Variants in SYT1 observed in about 807,000 individuals in gnomAD.
SYT1 encodes the protein synaptotagmin 1, also known as synaptotagmin-1.
SYT1 carries 8 observed loss-of-function variants against 44.8 expected under a neutral mutation model. The observed-to-expected ratio is 0.18, with a 90% CI of 0.10 to 0.32. The LOEUF is 0.32. SYT1 is among the 10% of genes least tolerant of loss of function. The pLI is 1.00. For synonymous variants in SYT1, 154 were observed against 188.8 expected (o/e 0.82, Z 1.51); for missense variants, 286 against 509.3 (o/e 0.56, Z 4.22).
chr12:79,394,138 A>G (rs184580053), intron 9 of SYT1, among the ~76,000 whole-genome samples: 1 of 152,366 alleles, frequency 6.6e-6, no homozygotes, highest in East Asian at 1.9e-4. Context: ...ATGCTTTGGC[A>G]TCTGGTCACA....
chr12:79,061,977 ATTT>A (rs1364763392), intron 3 of SYT1, among the ~76,000 whole-genome samples: 3 of 152,162 alleles, frequency 2.0e-5, no homozygotes, highest in Non-Finnish European at 2.9e-5. Flanking sequence ...GAAAAAGATA[ATTT>A]TTTTAAAAAA....
chr12:79,338,596 T>G (rs185718164), intron 8 of SYT1, among the ~76,000 whole-genome samples: 1 of 151,466 alleles, frequency 6.6e-6, no homozygotes, highest in Admixed American at 6.6e-5. Flanking sequence ...CTTTTTTTTT[T>G]CTTCAATCCC....
chr12:79,001,214 G>T (rs1870717434), intron 2 of SYT1, among the ~76,000 whole-genome samples: 1 of 151,216 alleles, frequency 6.6e-6, no homozygotes, highest in Non-Finnish European at 1.5e-5. Context: ...GGACTAAAAT[G>T]ATGATATTTT....
Position 78,921,377 on chromosome 12 carries a change from G to C in SYT1, c.-217+56268G>C, listed in dbSNP as rs1876990084. ...GTTGTAACAACTATATATACACTTA[G>C]AGTCTCTGGCAGAAAGCAGTCAGTA... On this transcript the variant is annotated intron_variant, in intron 1 of 10. Coordinates refer to ENST00000261205, the MANE Select transcript of SYT1 (RefSeq NM_005639.3). Among the ~76,000 whole-genome samples the C allele has an allele frequency of 2.0e-5, 3 of 152,036 alleles. 1 individual carries two copies. Among genetic ancestry groups the C allele is most frequent in the Middle Eastern group, 6.8e-3 (2 of 294 alleles).
chr12:79,424,829 G>GT (rs1194639483), intron 9 of SYT1, among the ~76,000 whole-genome samples: 2 of 147,014 alleles, frequency 1.4e-5, no homozygotes, highest in African/African-American at 5.0e-5. Flanking sequence ...CAGACCTAGT[G>GT]TTTTGTTTTT....
At chr12:79,119,643 A>AT (rs1879485795) in intron 3 of SYT1, among the ~76,000 whole-genome samples, 1 of 151,740 alleles carries the variant, frequency 6.6e-6, no homozygotes, top group Non-Finnish European at 1.5e-5. Context: ...AGGGTCTTAT[A>AT]TTTTGGAATT....
chr12:78,929,292 C>G (rs1214843067), intron 1 of SYT1, among the ~76,000 whole-genome samples: 1 of 150,940 alleles, frequency 6.6e-6, no homozygotes, highest in Non-Finnish European at 1.5e-5. Flanking sequence ...GTCCCAGCTA[C>G]TCATGAGGCT....
intron 3 of SYT1, among the ~76,000 whole-genome samples, chr12:79,069,103 T>C (rs1166297123): frequency 6.6e-6 from 1 of 152,134 alleles, no homozygotes; most frequent in African/African-American, 2.4e-5. Context: ...TTAATGATTA[T>C]AGTTTTATGG....
intron 3 of SYT1, among the ~76,000 whole-genome samples, chr12:79,108,547 C>A (rs948317295): frequency 6.6e-6 from 1 of 152,030 alleles, no homozygotes; most frequent in African/African-American, 2.4e-5. Context: ...GAGACCCTCC[C>A]ATGCCCCTTG....
intron 3 of SYT1, among the ~76,000 whole-genome samples, chr12:79,124,819 TAGTC>T (rs1592769884): frequency 6.6e-6 from 1 of 152,126 alleles, no homozygotes; most frequent in East Asian, 1.9e-4. Context: ...TTAATATTAT[TAGTC>T]AGATGTCCAG....
intron 8 of SYT1, among the ~76,000 whole-genome samples, chr12:79,330,273 C>T (rs1592972247): frequency 6.6e-6 from 1 of 152,296 alleles, no homozygotes; most frequent in East Asian, 1.9e-4. Context: ...AATTGCTTAA[C>T]AGATGATGCA....
chr12:79,214,941 ATGTGTGTGTGTGTGTG>A (rs71091652), intron 3 of SYT1, among the ~76,000 whole-genome samples: 5 of 148,450 alleles, frequency 3.4e-5, no homozygotes, highest in African/African-American at 9.9e-5. Flanking sequence ...ATGTGTGTAT[ATGTGTGTGTGTGTGTG>A]TGTGTGTGTG....
At chr12:79,391,779 T>C (rs1333704554) in intron 9 of SYT1, among the ~76,000 whole-genome samples, 1 of 152,222 alleles carries the variant, frequency 6.6e-6, no homozygotes, top group Non-Finnish European at 1.5e-5. Context: ...TTTATTTTTG[T>C]TCAGAATGAC....
rs537182655 is a variant in SYT1, at chr12:78,875,086, AG to A, written c.-217+9981del. Among the ~76,000 whole-genome samples, 573 of 151,792 alleles carry A rather than the reference AG, an allele frequency of 3.8e-3. 7 individuals carry two copies. The highest frequency in any genetic ancestry group is 0.013 in the African/African-American group (526 of 41,492). On this transcript the variant is annotated intron_variant, in intron 1 of 10. Transcript: ENST00000261205. Reference sequence around the variant, plus strand: ...ACTTTTATTAGTTTTGTAAGGAAGGAGGGGTTATTTCAAGGAGTTTATAAAG... The same window carrying A: ...ACTTTTATTAGTTTTGTAAGGAAGGAGGGTTATTTCAAGGAGTTTATAAAG...
intron 3 of SYT1, among the ~76,000 whole-genome samples, chr12:79,201,825 TA>T (rs1260790820): frequency 6.6e-6 from 1 of 152,138 alleles, no homozygotes; most frequent in Non-Finnish European, 1.5e-5. Context: ...CTTTTGATAA[TA>T]AAAGACATCC....
chr12:79,402,663 G>A (rs373895922), intron 9 of SYT1, among the ~76,000 whole-genome samples: 13 of 152,296 alleles, frequency 8.5e-5, no homozygotes, highest in African/African-American at 2.4e-4. Flanking sequence ...CTCAAGAGCC[G>A]TTTTGATGTA....
At chr12:79,072,798 G>A (rs1004886225) in intron 3 of SYT1, among the ~76,000 whole-genome samples, 29 of 152,102 alleles carry the variant, frequency 1.9e-4, no homozygotes, top group African/African-American at 4.8e-5. Flanking sequence ...TATATGTTGA[G>A]TTTCTGCTCT....
intron 3 of SYT1, among the ~76,000 whole-genome samples, chr12:79,047,938 T>A (rs965765179): frequency 2.0e-5 from 3 of 151,906 alleles, no homozygotes; most frequent in African/African-American, 7.2e-5. Context: ...CCTAAATATG[T>A]TCTCACTAAG....
chr12:79,138,862 C>T (rs1869371125), intron 3 of SYT1, among the ~76,000 whole-genome samples: 1 of 151,944 alleles, frequency 6.6e-6, no homozygotes, highest in Admixed American at 6.6e-5. Flanking sequence ...GTGCCACTTG[C>T]CTTATGCACA....
Sources: allele counts gnomAD v4.1 joint callset (sites outside exome capture counted in the v4.1 genomes callset), GRCh38; gene constraint gnomAD v4.1.1; transcripts MANE v1.5; gene names NCBI Gene and HGNC (gene_info 2026-07-23, HGNC 2026-07-21).